Variants in CD1B observed in about 807,000 individuals in gnomAD.
CD1B encodes T-cell surface glycoprotein CD1b.
A neutral mutation model predicts 39.8 loss-of-function variants in CD1B; 43 were observed. That is an observed-to-expected ratio of 1.08 (90% confidence interval 0.85 to 1.39). CD1B has a LOEUF of 1.39. Among genes scored for constraint, CD1B ranks in the 40% most tolerant of loss-of-function variants. The pLI is 0.00. For synonymous variants in CD1B, 192 were observed against 152.5 expected, an observed-to-expected ratio of 1.26 and a Z score of -1.91; for missense variants, 495 against 403.8, an observed-to-expected ratio of 1.23 and a Z score of -1.94.
chr1:158,315,516 C>G, the CD1B span, among the ~76,000 whole-genome samples: 12,804 of 151,518 alleles, frequency 0.085, 695 homozygotes, highest in South Asian at 0.15. Flanking sequence ...TTGTTTTTTT[C>G]TTGTAAATTT....
At position 158,329,967 on chromosome 1, in the gene CD1B, T is replaced by C. The variant is rs570542487; in HGVS notation, c.492A>G (p.Ala164=). The change falls in exon 3 of 6, where the codon GCA becomes GCG. Residue 164 remains alanine (A), a synonymous_variant. Coordinates refer to ENST00000368168, the MANE Select transcript of CD1B (RefSeq NM_001764.3). The part of the protein sequence containing the change: ...EGGSRAQKFC[A]LIIQYQGIME... ...TGATACCTTGATATTGTATGATTAG[T>C]GCACAGAATTTCTGTGCCCTGCTGC... 1 of 1,614,032 alleles carries C rather than the reference T, an allele frequency of 6.2e-7. No individual in the cohort carries two copies. The highest frequency in any genetic ancestry group is 1.1e-5 in the South Asian group (1 of 91,084).
At chr1:158,295,732 C>T in the CD1B span, among the ~76,000 whole-genome samples, 1 of 152,070 alleles carries the variant, frequency 6.6e-6, no homozygotes, top group Admixed American at 6.5e-5. Context: ...CTGTCTGTAC[C>T]TGCTTGCAGC....
the CD1B span, chr1:158,291,389 A>G: frequency 1.9e-6 from 3 of 1,613,596 alleles, no homozygotes; most frequent in East Asian, 4.5e-5. Context: ...GCAAGTCAAG[A>G]TTACTCGAAA....
chr1:158,295,026 G>A, the CD1B span, among the ~76,000 whole-genome samples: 1 of 152,084 alleles, frequency 6.6e-6, no homozygotes, highest in Non-Finnish European at 1.5e-5. Context: ...TGCACCCTTA[G>A]TCACCCTGTG....
the CD1B span, among the ~76,000 whole-genome samples, chr1:158,319,769 CT>C: frequency 6.6e-6 from 1 of 152,226 alleles, no homozygotes; most frequent in South Asian, 2.1e-4. Context: ...TTTTTCTGTT[CT>C]GTTTTTTCCC....
chr1:158,321,874 A>C, the CD1B span, among the ~76,000 whole-genome samples: 5 of 152,152 alleles, frequency 3.3e-5, no homozygotes, highest in Non-Finnish European at 5.9e-5. Flanking sequence ...CCCAGGTATT[A>C]ACCCCAGCAT....
At chr1:158,319,981 AG>A in the CD1B span, among the ~76,000 whole-genome samples, 1 of 152,196 alleles carries the variant, frequency 6.6e-6, no homozygotes, top group Non-Finnish European at 1.5e-5. Flanking sequence ...CTCGGGAGTC[AG>A]GGGTCAGGGA....
At chr1:158,289,476 A>G in the CD1B span, among the ~76,000 whole-genome samples, 2 of 152,220 alleles carry the variant, frequency 1.3e-5, no homozygotes, top group African/African-American at 2.4e-5. Context: ...TGTAAAAAGC[A>G]ACGTCTCCAA....
At chr1:158,314,745 C>T in the CD1B span, among the ~76,000 whole-genome samples, 11 of 151,726 alleles carry the variant, frequency 7.2e-5, no homozygotes, top group South Asian at 2.1e-4. Context: ...CATGCTGGTG[C>T]GCGGCACCCA....
the CD1B span, chr1:158,292,993 T>C: frequency 9.7e-7 from 1 of 1,025,938 alleles, no homozygotes; most frequent in East Asian, 2.5e-5. Context: ...TATAGGGTAA[T>C]TTAAAGAATA....
At chr1:158,296,491 T>C in the CD1B span, among the ~76,000 whole-genome samples, 1 of 152,120 alleles carries the variant, frequency 6.6e-6, no homozygotes, top group Non-Finnish European at 1.5e-5. Context: ...TCAGCCCACA[T>C]AGATGAGAAA....
chr1:158,293,208 G>C, the CD1B span: 1 of 1,609,566 alleles, frequency 6.2e-7, no homozygotes, highest in South Asian at 1.1e-5. Flanking sequence ...TCCAATATGT[G>C]CAGGACACCA....
In CD1B at chr1:158,329,641, A is replaced by G. The variant is rs1652504505; in HGVS notation, c.615T>C (p.Pro205=). Residue 205 remains proline, a synonymous_variant, in exon 4 of 6, where the codon CCT becomes CCC. Coordinates refer to ENST00000368168, the MANE Select transcript of CD1B (RefSeq NM_001764.3). ...TGGGGCCACTGGACAGCCAGGCCTCAGGCTTCACTAAGGCAGGAAGGAGAA... is the reference window on the plus strand; with the variant it reads ...TGGGGCCACTGGACAGCCAGGCCTCGGGCTTCACTAAGGCAGGAAGGAGAA... ...GKADLQRQVK[P]EAWLSSGPSP... is the part of the protein sequence containing the mutation. The G allele has an allele frequency of 1.2e-6, 2 of 1,613,806 alleles. No homozygotes were observed. The highest frequency in any genetic ancestry group is 1.1e-5 in the South Asian group (1 of 91,066).
chr1:158,320,482 T>C, the CD1B span, among the ~76,000 whole-genome samples: 43 of 152,290 alleles, frequency 2.8e-4, no homozygotes, highest in African/African-American at 9.4e-4. Flanking sequence ...CCCCTTGCAC[T>C]TCCCGAGTGA....
At chr1:158,306,603 C>G in the CD1B span, among the ~76,000 whole-genome samples, 1 of 152,182 alleles carries the variant, frequency 6.6e-6, no homozygotes. Context: ...ACAGAACTCT[C>G]CACCCCAAAT....
the CD1B span, among the ~76,000 whole-genome samples, chr1:158,319,323 T>G: frequency 6.6e-6 from 1 of 152,116 alleles, no homozygotes; most frequent in Non-Finnish European, 1.5e-5. Context: ...GATTTGGTCT[T>G]TTCACATAGT....
At chr1:158,316,841 T>C in the CD1B span, among the ~76,000 whole-genome samples, 1 of 151,984 alleles carries the variant, frequency 6.6e-6, no homozygotes, top group Non-Finnish European at 1.5e-5. Flanking sequence ...CATCAATACC[T>C]AATTTATTGA....
the CD1B span, among the ~76,000 whole-genome samples, chr1:158,288,997 T>C: frequency 2.0e-5 from 3 of 152,208 alleles, no homozygotes; most frequent in Non-Finnish European, 4.4e-5. Context: ...AGCTGCATGT[T>C]CTGACTATCA....
the CD1B span, among the ~76,000 whole-genome samples, chr1:158,304,751 A>G: frequency 6.6e-6 from 1 of 152,234 alleles, no homozygotes; most frequent in Non-Finnish European, 1.5e-5. Context: ...TTCCAGAGGA[A>G]TAATCGGCAG....
Sources: allele counts gnomAD v4.1 joint callset (sites outside exome capture counted in the v4.1 genomes callset), GRCh38; gene constraint gnomAD v4.1.1; transcripts MANE v1.5; gene names NCBI Gene and HGNC (gene_info 2026-07-23, HGNC 2026-07-21).